The following RASEF variants were observed in gnomAD, a reference collection of about 807,000 sequenced individuals.
The protein encoded by RASEF is RAS and EF-hand domain containing.
Under a neutral mutation model 90.1 loss-of-function variants are expected in RASEF, and 68 were observed. The observed-to-expected ratio is 0.75, with a 90% CI of 0.62 to 0.92. The LOEUF (loss-of-function observed/expected upper bound fraction) is 0.92. Ranked by LOEUF, RASEF falls within the 40% of genes least tolerant of loss-of-function variation. RASEF has a pLI of 0.00. For synonymous variants in RASEF, 331 were observed against 345.2 expected (o/e 0.96, Z 0.46); for missense variants, 949 against 937.2 (o/e 1.01, Z -0.16).
At chr9:83,213,949 G>C in the RASEF span, among the ~76,000 whole-genome samples, 1 of 152,224 alleles carries the variant, frequency 6.6e-6, no homozygotes, top group South Asian at 2.1e-4. Flanking sequence ...GCCAGGCACA[G>C]TGGAACATGC....
the RASEF span, among the ~76,000 whole-genome samples, chr9:83,091,936 C>T: frequency 6.8e-6 from 1 of 146,766 alleles, no homozygotes; most frequent in Non-Finnish European, 1.5e-5. Context: ...AAAACAATAA[C>T]TACAAAGCTC....
At chr9:83,075,149 G>T in the RASEF span, among the ~76,000 whole-genome samples, 4 of 152,112 alleles carry the variant, frequency 2.6e-5, no homozygotes, top group Non-Finnish European at 5.9e-5. Context: ...ATGGCAGAAA[G>T]AATCATGATG....
intron 14 of RASEF, among the ~76,000 whole-genome samples, chr9:82,996,551 G>A (rs1828921940): frequency 6.6e-6 from 1 of 152,110 alleles, no homozygotes; most frequent in South Asian, 2.1e-4. Flanking sequence ...ACCAGAATAA[G>A]GTTGAGAAGA....
the RASEF span, among the ~76,000 whole-genome samples, chr9:83,144,850 G>A: frequency 6.6e-6 from 1 of 152,092 alleles, no homozygotes; most frequent in Non-Finnish European, 1.5e-5. Flanking sequence ...CACTTAATCA[G>A]TTATACATTT....
chr9:83,157,607 T>C, the RASEF span, among the ~76,000 whole-genome samples: 1 of 152,224 alleles, frequency 6.6e-6, no homozygotes, highest in Non-Finnish European at 1.5e-5. Flanking sequence ...GTCTGTAGTA[T>C]TATGTTATCA....
rs138691784 is a variant in RASEF, at chr9:83,055,855, C to T, written c.431+6582G>A. Among the ~76,000 whole-genome samples, 15 of 152,270 alleles carry T rather than the reference C, an allele frequency of 9.9e-5. 1 individual carries two copies. In the South Asian group the frequency reaches 2.3e-3, roughly 23 times the overall value. ...TATGGCTCCCAATTTGAGAAACATT[C>T]GATGTGAAACATCCATAGTCCAGAA... is the stretch of plus-strand genomic sequence containing the variant. On this transcript the variant is annotated intron_variant, in intron 1 of 16. Coordinates refer to ENST00000376447, the MANE Select transcript of RASEF (RefSeq NM_152573.4).
chr9:83,140,734 A>C, the RASEF span, among the ~76,000 whole-genome samples: 1 of 152,224 alleles, frequency 6.6e-6, no homozygotes, highest in Admixed American at 6.5e-5. Flanking sequence ...ATTCTTGTAA[A>C]TACTAAGGAA....
the RASEF span, among the ~76,000 whole-genome samples, chr9:83,078,998 G>A: frequency 6.6e-6 from 1 of 152,072 alleles, no homozygotes; most frequent in Non-Finnish European, 1.5e-5. Flanking sequence ...CATTCTGTAG[G>A]TTTCCTCTGT....
At chr9:83,201,068 C>T in the RASEF span, 218 of 152,308 alleles carry the variant, frequency 1.4e-3, 1 homozygote, top group African/African-American at 5.1e-3. Flanking sequence ...GAGGGCTTTC[C>T]TCTTCCTAGA....
At chr9:83,174,134 G>A in the RASEF span, among the ~76,000 whole-genome samples, 1 of 151,294 alleles carries the variant, frequency 6.6e-6, no homozygotes, top group Non-Finnish European at 1.5e-5. Flanking sequence ...GGTGTCCTTG[G>A]AAGCACAAAA....
chr9:83,154,234 C>A, the RASEF span, among the ~76,000 whole-genome samples: 1 of 152,180 alleles, frequency 6.6e-6, no homozygotes, highest in African/African-American at 2.4e-5. Flanking sequence ...TATAGTGTCA[C>A]TGTCAGGAGG....
intron 16 of RASEF, 111 bp downstream of exon 16, chr9:82,990,280 C>T: frequency 1.4e-6 from 1 of 705,580 alleles, no homozygotes; most frequent in Non-Finnish European, 2.4e-6. Flanking sequence ...CCATGACTGA[C>T]AGATAAGAGA....
the RASEF span, among the ~76,000 whole-genome samples, chr9:83,123,245 A>G: frequency 3.3e-5 from 5 of 151,398 alleles, no homozygotes; most frequent in African/African-American, 1.2e-4. Flanking sequence ...ATCAAAAAAA[A>G]AAAAAAAAAA....
intron 13 of RASEF, among the ~76,000 whole-genome samples, chr9:82,997,580 A>G (rs1234965512): frequency 6.6e-6 from 1 of 152,212 alleles, no homozygotes; most frequent in Non-Finnish European, 1.5e-5. Flanking sequence ...GCTGTAACAT[A>G]CCAGGACTTT....
chr9:83,102,644 A>G, the RASEF span, among the ~76,000 whole-genome samples: 1 of 152,126 alleles, frequency 6.6e-6, no homozygotes, highest in Non-Finnish European at 1.5e-5. Context: ...CGAGGGAAAA[A>G]CGTGGGCAAG....
At chr9:83,176,103 T>C in the RASEF span, among the ~76,000 whole-genome samples, 1 of 152,116 alleles carries the variant, frequency 6.6e-6, no homozygotes, top group African/African-American at 2.4e-5. Context: ...GAAAGTGGAG[T>C]TTTTAAGTCT....
At chr9:83,048,508 C>G (rs1212475891) in intron 1 of RASEF, 1 of 984,862 alleles carries the variant, frequency 1.0e-6, no homozygotes. Flanking sequence ...GTGCCTCGTG[C>G]AGTCCTGGGC....
chr9:83,086,428 C>T, the RASEF span, among the ~76,000 whole-genome samples: 1 of 152,154 alleles, frequency 6.6e-6, no homozygotes, highest in African/African-American at 2.4e-5. Flanking sequence ...TTATACTGAA[C>T]AGTTCTCAAT....
At chr9:83,189,723 G>A in the RASEF span, among the ~76,000 whole-genome samples, 1 of 152,058 alleles carries the variant, frequency 6.6e-6, no homozygotes, top group Non-Finnish European at 1.5e-5. Flanking sequence ...TCTCAATTCT[G>A]GAATAAATCT....
Sources: allele counts gnomAD v4.1 joint callset (sites outside exome capture counted in the v4.1 genomes callset), GRCh38; gene constraint gnomAD v4.1.1; transcripts MANE v1.5; gene names NCBI Gene and HGNC (gene_info 2026-07-23, HGNC 2026-07-21).